The following FGGY variants were observed in gnomAD, a reference collection of about 807,000 sequenced individuals.
The protein encoded by FGGY is FGGY carbohydrate kinase domain containing.
Under a neutral mutation model 71.3 loss-of-function variants are expected in FGGY, and 72 were observed. The observed-to-expected ratio is 1.01, with a 90% CI of 0.84 to 1.23. FGGY has a LOEUF of 1.23. FGGY is among the 50% of genes most tolerant of loss of function. The pLI, the probability that FGGY is intolerant of heterozygous loss-of-function variation, is 0.00. For synonymous variants in FGGY, 251 were observed against 250.3 expected, an observed-to-expected ratio of 1.00 and a Z score of -0.02; for missense variants, 668 against 682.3, an observed-to-expected ratio of 0.98 and a Z score of 0.23.
chr1:59,372,669 T>C (rs2057891930), intron 4 of FGGY, among the ~76,000 whole-genome samples: 1 of 152,086 alleles, frequency 6.6e-6, no homozygotes. Flanking sequence ...AATAAAATAC[T>C]GGCAAACTGA....
At chr1:59,455,853 G>C (rs181685143) in intron 5 of FGGY, among the ~76,000 whole-genome samples, 2 of 152,282 alleles carry the variant, frequency 1.3e-5, no homozygotes, top group East Asian at 3.9e-4. Context: ...CCAACAGATG[G>C]GGGTAGGGCA....
Position 59,599,095 on chromosome 1 carries a change from CGTTTGTTT to C in FGGY, c.904-8691_904-8684del, listed in dbSNP as rs5774477. ...CATTGAGTTCAGTCCTACACATGTT[CGTTTGTTT>C]GTTTGTTTGTTTGTTTTTGAGACGG... On this transcript the variant is annotated intron_variant, in intron 8 of 15. Coordinates refer to ENST00000303721, the MANE Select transcript of FGGY (RefSeq NM_018291.5). Among the ~76,000 whole-genome samples the C allele has an allele frequency of 5.9e-5, 9 of 151,340 alleles. No individual in the cohort carries two copies. In the South Asian group the frequency reaches 1.5e-3, roughly 25 times the overall value.
chr1:59,683,484 C>A (rs1481233098), intron 14 of FGGY, among the ~76,000 whole-genome samples: 1 of 152,158 alleles, frequency 6.6e-6, no homozygotes, highest in Admixed American at 6.5e-5. Flanking sequence ...ACCCAGCTCC[C>A]CCCAAATCAG....
At chr1:59,348,704 G>A (rs1001937193) in intron 4 of FGGY, among the ~76,000 whole-genome samples, 2 of 152,166 alleles carry the variant, frequency 1.3e-5, no homozygotes, top group Non-Finnish European at 2.9e-5. Flanking sequence ...TTGCCATCAC[G>A]GGGCAGGAGA....
intron 8 of FGGY, among the ~76,000 whole-genome samples, chr1:59,587,739 G>C (rs1281846749): frequency 6.6e-6 from 1 of 152,190 alleles, no homozygotes; most frequent in Non-Finnish European, 1.5e-5. Flanking sequence ...TGAGGGTCCT[G>C]TCTGTTAGAA....
chr1:59,475,483 C>CT (rs774049914), intron 6 of FGGY, among the ~76,000 whole-genome samples: 7 of 152,168 alleles, frequency 4.6e-5, no homozygotes, highest in Non-Finnish European at 8.8e-5. Context: ...CACTATTGTG[C>CT]TTTTTTCTTC....
rs560401991 is a variant in FGGY, at chr1:59,435,897, C to T, written c.555-21064C>T. On this transcript the variant is annotated intron_variant, in intron 5 of 15. Transcript: ENST00000303721. ...CAGTGGCCAGCATGAAGGAGATACA[C>T]GAGAAAGCAATGTGTGTGCACTGAG... Among the ~76,000 whole-genome samples, 31 of 152,096 alleles carry T rather than the reference C, an allele frequency of 2.0e-4. No homozygotes were observed. In the Middle Eastern group the frequency reaches 0.014, roughly 67 times the overall value.
In FGGY at chr1:59,534,039, C is replaced by T. The variant is rs375577958; in HGVS notation, c.800-20085C>T. On this transcript the variant is annotated intron_variant, in intron 7 of 15. Transcript: ENST00000303721. Reference sequence around the variant, plus strand: ...CAGACGATCAAATTACTCCGAGCTACGGGAGGACATTCAAACCAAAGGCAA... The same window carrying T: ...CAGACGATCAAATTACTCCGAGCTATGGGAGGACATTCAAACCAAAGGCAA... 4.1e-4 allele frequency among the ~76,000 whole-genome samples: 63 copies of T among 152,210 alleles called. 2 individuals carry two copies. The South Asian group carries it at 0.011, about 26-fold the overall frequency.
intron 4 of FGGY, among the ~76,000 whole-genome samples, chr1:59,359,047 A>C (rs966955226): frequency 2.6e-5 from 4 of 152,366 alleles, no homozygotes; most frequent in Non-Finnish European, 5.9e-5. Context: ...CTGGTCAAAC[A>C]CCAGCCTTTA....
chr1:59,749,065 G>A (rs1198738755), intron 14 of FGGY, among the ~76,000 whole-genome samples: 1 of 152,190 alleles, frequency 6.6e-6, no homozygotes, highest in South Asian at 2.1e-4. Context: ...CTTCTGGATT[G>A]GTGAACACAG....
intron 6 of FGGY, among the ~76,000 whole-genome samples, chr1:59,488,544 A>G (rs1015423047): frequency 6.7e-5 from 10 of 148,156 alleles, no homozygotes; most frequent in African/African-American, 2.2e-4. Context: ...TGTATTATGT[A>G]TATATTATAT....
intron 9 of FGGY, among the ~76,000 whole-genome samples, chr1:59,608,387 T>C (rs1198199338): frequency 1.3e-5 from 2 of 152,178 alleles, no homozygotes; most frequent in African/African-American, 2.4e-5. Context: ...CACTTCTCTG[T>C]CCCTTTATAC....
At chr1:59,465,162 C>T (rs1439053068) in intron 6 of FGGY, among the ~76,000 whole-genome samples, 2 of 152,172 alleles carry the variant, frequency 1.3e-5, no homozygotes, top group African/African-American at 2.4e-5. Context: ...AGTTTGTCCA[C>T]CATGATCAAG....
chr1:59,510,474 G>A (rs1259533962), intron 6 of FGGY, among the ~76,000 whole-genome samples: 4 of 152,116 alleles, frequency 2.6e-5, no homozygotes, highest in Admixed American at 2.0e-4. Context: ...ACAAAGCCAA[G>A]GACACTGCTC....
intron 8 of FGGY, among the ~76,000 whole-genome samples, chr1:59,581,511 T>A (rs888758264): frequency 6.7e-6 from 1 of 148,242 alleles, no homozygotes; most frequent in Non-Finnish European, 1.5e-5. Context: ...ATTAACTGTG[T>A]CTCTCCCATC....
At chr1:59,632,136 CAA>C (rs2096913911) in intron 10 of FGGY, among the ~76,000 whole-genome samples, 1 of 152,146 alleles carries the variant, frequency 6.6e-6, no homozygotes, top group South Asian at 2.1e-4. Flanking sequence ...ACCAAGCAAA[CAA>C]AGTCTTTGCT....
At chr1:59,424,251 T>C (rs900849503) in intron 5 of FGGY, among the ~76,000 whole-genome samples, 1 of 152,208 alleles carries the variant, frequency 6.6e-6, no homozygotes, top group African/African-American at 2.4e-5. Flanking sequence ...GTAGAATTAA[T>C]ACATGTGAAG....
intron 4 of FGGY, among the ~76,000 whole-genome samples, chr1:59,347,072 C>CT (rs200501837): frequency 0.025 from 3,540 of 141,664 alleles, 169 homozygotes; most frequent in African/African-American, 0.089. Flanking sequence ...GCCTTTATGC[C>CT]TTTTTTTTCC....
At chr1:59,637,920 T>G (rs1234542132) in intron 10 of FGGY, among the ~76,000 whole-genome samples, 1 of 152,246 alleles carries the variant, frequency 6.6e-6, no homozygotes, top group African/African-American at 2.4e-5. Flanking sequence ...GGGATTATGA[T>G]ATCTGTTTTT....
Sources: gnomAD v4.1 joint callset for allele counts (sites outside exome capture counted in the v4.1 genomes callset) on GRCh38, gnomAD v4.1.1 for gene constraint, MANE v1.5 for transcripts, NCBI Gene and HGNC (gene_info 2026-07-23, HGNC 2026-07-21) for gene names.